Variants in PCDHGA2 observed in about 807,000 individuals in gnomAD.
PCDHGA2 encodes the protein protocadherin gamma subfamily A, 2.
A neutral mutation model predicts 59.2 loss-of-function variants in PCDHGA2; 40 were observed. The observed-to-expected ratio is 0.68, with a 90% CI of 0.52 to 0.88. The LOEUF is 0.88. Among genes scored for constraint, PCDHGA2 ranks in the 40% least tolerant of loss-of-function variants. The probability of loss-of-function intolerance (pLI) is 0.00; values close to 1 mark genes in which losing one functional copy is unlikely to be tolerated. For missense variants in PCDHGA2, 1,226 were observed against 1,204.0 expected (o/e 1.02, Z -0.27); for synonymous variants, 560 against 526.0 (o/e 1.06, Z -0.89).
rs367835171 is a variant in PCDHGA2, at chr5:141,346,439, A to G, written c.2424+5044A>G. 1.4e-4 allele frequency: 228 copies of G among 1,614,146 alleles called. 1 individual carries two copies. The highest frequency in any genetic ancestry group is 1.8e-4 in the Non-Finnish European group (207 of 1,180,058). ...CTCAGGATTTACTTGAAATGAAAGG[A>G]GATTCCAACCTACTTCAGGTGAGTT... On this transcript the variant is annotated intron_variant, in intron 1 of 3. Coordinates refer to ENST00000394576, the MANE Select transcript of PCDHGA2 (RefSeq NM_018915.4).
chr5:141,405,331 C>G (rs1561699778), intron 1 of PCDHGA2: 1 of 1,614,186 alleles, frequency 6.2e-7, no homozygotes, highest in Non-Finnish European at 8.5e-7. Flanking sequence ...CTTTGTGCGT[C>G]TCTGTTGATT....
intron 1 of PCDHGA2, among the ~76,000 whole-genome samples, chr5:141,482,832 G>A (rs2099573281): frequency 6.6e-6 from 1 of 152,188 alleles, no homozygotes; most frequent in Non-Finnish European, 1.5e-5. Flanking sequence ...AGCACTTTGG[G>A]AGGCCAAGGT....
intron 1 of PCDHGA2, chr5:141,356,347 A>C (rs1480466141): frequency 7.7e-6 from 12 of 1,555,580 alleles, no homozygotes; most frequent in Admixed American, 2.0e-5. Context: ...TGGCCTAGTC[A>C]CATGTTCTAT....
In PCDHGA2 at chr5:141,364,057, TTATAAC is replaced by T. The variant is rs1347716169; in HGVS notation, c.2424+22665_2424+22670del. 2.6e-5 allele frequency among the ~76,000 whole-genome samples: 4 copies of T among 152,286 alleles called. No individual in the cohort carries two copies. In the East Asian group the frequency reaches 7.7e-4, roughly 29 times the overall value. Reference sequence around the variant, plus strand: ...TATGGCAACATTATTAGAAATAAAATTATAACTAAACTTAGGAGAAATAAAAATGGA... The same window carrying T: ...TATGGCAACATTATTAGAAATAAAATTAAACTTAGGAGAAATAAAAATGGA... On this transcript the variant is annotated intron_variant, in intron 1 of 3. Coordinates refer to ENST00000394576, the MANE Select transcript of PCDHGA2 (RefSeq NM_018915.4).
intron 2 of PCDHGA2, 103 bp from the exon 3 acceptor site, chr5:141,505,290 G>A: frequency 3.2e-6 from 5 of 1,564,680 alleles, no homozygotes; most frequent in Non-Finnish European, 4.3e-6. Context: ...TTGGGCATGG[G>A]GTAGGGTTAG....
At chr5:141,362,139 G>T in intron 1 of PCDHGA2, 1 of 1,614,030 alleles carries the variant, frequency 6.2e-7, no homozygotes, top group Non-Finnish European at 8.5e-7. Context: ...CGGATAGCCT[G>T]CAAGAGGTAT....
chr5:141,504,380 C>T (rs943816582), intron 2 of PCDHGA2, among the ~76,000 whole-genome samples: 1 of 152,088 alleles, frequency 6.6e-6, no homozygotes, highest in African/African-American at 2.4e-5. Flanking sequence ...GGTGGAGTCG[C>T]TGCCTCACAG....
chr5:141,509,233 AG>A (rs1204393769), intron 3 of PCDHGA2, among the ~76,000 whole-genome samples: 1 of 152,104 alleles, frequency 6.6e-6, no homozygotes, highest in Non-Finnish European at 1.5e-5. Context: ...TTGATGTCCC[AG>A]GATTACTCAG....
intron 1 of PCDHGA2, among the ~76,000 whole-genome samples, chr5:141,447,098 A>G (rs2098525979): frequency 6.6e-6 from 1 of 151,934 alleles, no homozygotes. Flanking sequence ...TTTCTTTCAC[A>G]TGATTATATG....
At chr5:141,415,738 AGGTTTTT>A in intron 1 of PCDHGA2, 2 of 538,082 alleles carry the variant, frequency 3.7e-6, no homozygotes, top group Non-Finnish European at 5.4e-6. Flanking sequence ...ATGTTTATTA[AGGTTTTT>A]TTTTTTTTTT....
At chr5:141,418,922 C>A in intron 1 of PCDHGA2, 1 of 1,613,994 alleles carries the variant, frequency 6.2e-7, no homozygotes, top group Non-Finnish European at 8.5e-7. Context: ...ACTCTCTGAT[C>A]AGATTATGGA....
chr5:141,357,090 G>A (rs765908786), intron 1 of PCDHGA2: 2 of 1,613,880 alleles, frequency 1.2e-6, no homozygotes, highest in East Asian at 2.2e-5. Context: ...GCACCGCACG[G>A]GCCCTGCTGG....
chr5:141,415,584 T>C lies in PCDHGA2; in HGVS notation c.2424+74189T>C, dbSNP rs763238799. 7.4e-6 allele frequency: 12 copies of C among 1,614,012 alleles called. No individual in the cohort carries two copies. In the South Asian group the frequency reaches 1.3e-4, roughly 18 times the overall value. ...TGTCTTTGTTAGATGATTCGAAGTT[T>C]CCTATAGAGGATACCCCATTGGTTC... On this transcript the variant is annotated intron_variant, in intron 1 of 3. Coordinates refer to ENST00000394576, the MANE Select transcript of PCDHGA2 (RefSeq NM_018915.4).
intron 1 of PCDHGA2, chr5:141,383,307 A>G (rs1207101754): frequency 3.1e-6 from 5 of 1,613,874 alleles, no homozygotes; most frequent in Non-Finnish European, 4.2e-6. Flanking sequence ...TCTTGACGGA[A>G]GAAATAAATG....
chr5:141,352,471 C>T (rs746391731), intron 1 of PCDHGA2: 6 of 1,614,034 alleles, frequency 3.7e-6, no homozygotes, highest in Non-Finnish European at 5.1e-6. Flanking sequence ...GGGTTCCTCC[C>T]AACCACAGCG....
At chr5:141,356,693 G>A in intron 1 of PCDHGA2, 1 of 1,613,962 alleles carries the variant, frequency 6.2e-7, no homozygotes, top group Middle Eastern at 1.6e-4. Context: ...ACCTTCCAGG[G>A]TGCACCTCTG....
At position 141,350,948 on chromosome 5, in the gene PCDHGA2, A is replaced by G. The variant is rs1758601820; in HGVS notation, c.2424+9553A>G. On this transcript the variant is annotated intron_variant, in intron 1 of 3. Transcript: ENST00000394576. The stretch of plus-strand genomic sequence containing the variant: ...CACCACCCATATCTGGATCCGAGTT[A>G]CGGATGCCAATGATAATGCTCCCGT... The G allele has an allele frequency of 1.9e-6, 3 of 1,614,088 alleles. No individual in the cohort carries two copies. In the East Asian group the frequency reaches 6.7e-5, roughly 36 times the overall value.
chr5:141,382,666 G>A (rs910632221), intron 1 of PCDHGA2: 20 of 422,596 alleles, frequency 4.7e-5, no homozygotes, highest in African/African-American at 3.6e-4. Flanking sequence ...TCACAGCGCC[G>A]CTGTTCACCA....
At chr5:141,365,595 T>C (rs746207657) in intron 1 of PCDHGA2, 1 of 1,613,672 alleles carries the variant, frequency 6.2e-7, no homozygotes, top group Admixed American at 1.7e-5. Context: ...AATATCACTT[T>C]AACCGTCATG....
Sources: allele counts gnomAD v4.1 joint callset (sites outside exome capture counted in the v4.1 genomes callset), GRCh38; gene constraint gnomAD v4.1.1; transcripts MANE v1.5; gene names NCBI Gene and HGNC (gene_info 2026-07-23, HGNC 2026-07-21).